The following KDM4C variants were observed in gnomAD, a reference collection of about 807,000 sequenced individuals.
The protein encoded by KDM4C is lysine-specific demethylase 4C.
Under a neutral mutation model 129.3 loss-of-function variants are expected in KDM4C, and 81 were observed. The ratio of observed to expected loss-of-function variants is 0.63; its 90% CI spans 0.52 to 0.75. KDM4C has a LOEUF of 0.75. Among genes scored for constraint, KDM4C ranks in the 30% least tolerant of loss-of-function variants. KDM4C has a pLI of 0.00. For missense variants in KDM4C, 1,457 were observed against 1,304.0 expected (o/e 1.12, Z -1.81); for synonymous variants, 573 against 456.1 (o/e 1.26, Z -3.26).
At chr9:7,025,342 A>G (rs1226973179) in intron 15 of KDM4C, among the ~76,000 whole-genome samples, 2 of 151,882 alleles carry the variant, frequency 1.3e-5, no homozygotes, top group African/African-American at 2.4e-5. Flanking sequence ...TTGATTTGAG[A>G]GTTTAGTGCG....
At chr9:6,821,511 G>A (rs1172170452) in intron 4 of KDM4C, among the ~76,000 whole-genome samples, 2 of 152,160 alleles carry the variant, frequency 1.3e-5, no homozygotes, top group Non-Finnish European at 2.9e-5. Flanking sequence ...TGGCTGCATA[G>A]ATGTCTTCTT....
In KDM4C at chr9:6,844,176, T is replaced by C. The variant is rs564538557; in HGVS notation, c.436-5331T>C. ...TTTTTCTCTGTTTTTCAGTACATTT[T>C]ATAGTTTTATAACGTTGGATTGAGT... is the stretch of plus-strand genomic sequence containing the variant. On this transcript the variant is annotated intron_variant, in intron 4 of 21. Transcript: ENST00000381309. Among the ~76,000 whole-genome samples the C allele has an allele frequency of 2.2e-4, 33 of 152,338 alleles. No homozygotes were observed. The South Asian group carries it at 5.4e-3, about 25-fold the overall frequency.
intron 8 of KDM4C, among the ~76,000 whole-genome samples, chr9:6,923,350 C>T (rs557761018): frequency 1.3e-5 from 2 of 152,100 alleles, no homozygotes; most frequent in Admixed American, 1.3e-4. Context: ...GTTGCAGTTT[C>T]CGTTTAAATG....
chr9:6,856,539 CGT>C (rs201267627), intron 5 of KDM4C, among the ~76,000 whole-genome samples: 5,123 of 131,504 alleles, frequency 0.039, 81 homozygotes, highest in Middle Eastern at 0.053. Flanking sequence ...TCTCTGTGTG[CGT>C]GTGTGTGTGT....
intron 15 of KDM4C, among the ~76,000 whole-genome samples, chr9:7,042,782 C>T (rs1274804571): frequency 1.3e-5 from 2 of 152,016 alleles, no homozygotes; most frequent in Non-Finnish European, 1.5e-5. Flanking sequence ...AGAAAAGGTG[C>T]ATGGACATTT....
rs541414639 is a variant in KDM4C at position 6,916,713 on chromosome 9, C to T, written c.921+23481C>T. ...GTTCTAACTTACAAAGAGATTTTAG[C>T]AGGATGTTTTATTTTATTTCTGTTT... On this transcript the variant is annotated intron_variant, in intron 8 of 21. Coordinates refer to ENST00000381309, the MANE Select transcript of KDM4C (RefSeq NM_015061.6). Among the ~76,000 whole-genome samples the T allele has an allele frequency of 2.6e-5, 4 of 152,266 alleles. No individual in the cohort carries two copies. The South Asian group carries it at 8.3e-4, about 32-fold the overall frequency.
chr9:6,785,041 C>T (rs1825175796), intron 1 of KDM4C, among the ~76,000 whole-genome samples: 1 of 152,152 alleles, frequency 6.6e-6, no homozygotes, highest in African/African-American at 2.4e-5. Flanking sequence ...CCAGTCTGGC[C>T]CTTCATGCCT....
At chr9:6,756,152 T>C (rs1169285453), upstream of KDM4C, among the ~76,000 whole-genome samples, 1 of 152,216 alleles carries the variant, frequency 6.6e-6, no homozygotes, top group Non-Finnish European at 1.5e-5. Flanking sequence ...GCTGCTTGAT[T>C]GTGGACATAT....
intron 20 of KDM4C, among the ~76,000 whole-genome samples, chr9:7,167,816 TATC>T (rs1406102713): frequency 2.0e-5 from 3 of 152,214 alleles, no homozygotes; most frequent in South Asian, 4.1e-4. Flanking sequence ...CAGTTAATAT[TATC>T]ATCCACTCAA....
At chr9:7,030,605 G>A (rs938027188) in intron 15 of KDM4C, among the ~76,000 whole-genome samples, 2 of 152,146 alleles carry the variant, frequency 1.3e-5, no homozygotes, top group African/African-American at 4.8e-5. Context: ...ATTATGCTAT[G>A]AACTTAAAGT....
intron 20 of KDM4C, among the ~76,000 whole-genome samples, chr9:7,168,104 C>A (rs1019146886): frequency 1.3e-5 from 2 of 152,182 alleles, no homozygotes; most frequent in African/African-American, 4.8e-5. Flanking sequence ...AGAAGAATCA[C>A]TTGAACCCAG....
chr9:6,815,674 C>T (rs1262849105), intron 4 of KDM4C, among the ~76,000 whole-genome samples: 1 of 152,134 alleles, frequency 6.6e-6, no homozygotes, highest in Non-Finnish European at 1.5e-5. Context: ...TTGAGCATGA[C>T]CTTTGAGCAT....
At chr9:6,892,551 C>A (rs974418980) in intron 7 of KDM4C, among the ~76,000 whole-genome samples, 2 of 152,050 alleles carry the variant, frequency 1.3e-5, no homozygotes, top group Non-Finnish European at 2.9e-5. Flanking sequence ...ATTCTTTTAA[C>A]AGAAGTTTTA....
intron 17 of KDM4C, chr9:7,076,653 A>G: frequency 7.6e-7 from 1 of 1,311,496 alleles, no homozygotes; most frequent in South Asian, 2.5e-5. Flanking sequence ...TCCCTTTTGT[A>G]TCTGTCATTT....
At chr9:7,157,927 AT>A (rs1225900057) in intron 19 of KDM4C, among the ~76,000 whole-genome samples, 3 of 152,220 alleles carry the variant, frequency 2.0e-5, no homozygotes, top group African/African-American at 7.2e-5. Flanking sequence ...TTCAGAAAGA[AT>A]GGGACCAGCT....
At chr9:6,930,578 CAT>C (rs1184273089) in intron 8 of KDM4C, among the ~76,000 whole-genome samples, 2 of 147,440 alleles carry the variant, frequency 1.4e-5, no homozygotes, top group Non-Finnish European at 3.0e-5. Context: ...TTATCTATAA[CAT>C]GTTATATATT....
chr9:6,914,316 C>A (rs944114733), intron 8 of KDM4C, among the ~76,000 whole-genome samples: 1 of 152,158 alleles, frequency 6.6e-6, no homozygotes, highest in Non-Finnish European at 1.5e-5. Flanking sequence ...GCCTCTGACT[C>A]CCAAAGTGCT....
chr9:6,956,341 A>G lies in KDM4C; in HGVS notation c.922-24584A>G, dbSNP rs117142858. On this transcript the variant is annotated intron_variant, in intron 8 of 21. Coordinates refer to ENST00000381309, the MANE Select transcript of KDM4C (RefSeq NM_015061.6). The stretch of plus-strand genomic sequence containing the variant: ...TGCTTATTTCACATTGCATGCTTGT[A>G]TCAAAACACCTTATGTACTCCACAA... Among the ~76,000 whole-genome samples the G allele has an allele frequency of 4.9e-3, 747 of 152,290 alleles. 4 individuals are homozygous for G. The highest frequency in any genetic ancestry group is 0.01 in the Middle Eastern group (3 of 294).
In KDM4C at chr9:7,103,849, A is replaced by T. The variant is rs1268278096; in HGVS notation, c.2589A>T (p.Arg863=). The change falls in exon 18 of 22, where the codon CGA becomes CGT. Residue 863 remains arginine, a synonymous_variant. Transcript: ENST00000381309. ...ATGTGGTGAACATTACATGCTTTCG[A>T]CATAAGGTCAACCCCAACGTGGTAA... ...WPYVVNITCF[R]HKVNPNVKSK... 6.2e-7 allele frequency: 1 copy of T among 1,613,802 alleles called. No individual in the cohort carries two copies. Among genetic ancestry groups the T allele is most frequent in the Non-Finnish European group, 8.5e-7 (1 of 1,179,908 alleles).
Sources: allele counts gnomAD v4.1 joint callset (sites outside exome capture counted in the v4.1 genomes callset), GRCh38; gene constraint gnomAD v4.1.1; transcripts MANE v1.5; gene names NCBI Gene and HGNC (gene_info 2026-07-23, HGNC 2026-07-21).